PRMT8: variants seen among roughly 807,000 people sequenced by gnomAD.
The protein encoded by PRMT8 is protein arginine methyltransferase 8, also known as protein arginine N-methyltransferase 8.
In PRMT8, 7 loss-of-function variants were observed where a neutral mutation model predicts 47.1. The observed-to-expected ratio is 0.15, with a 90% CI of 0.08 to 0.28. PRMT8 has a LOEUF of 0.28. Ranked by LOEUF, PRMT8 falls within the 10% of genes least tolerant of loss-of-function variation. The pLI is 1.00. For missense variants in PRMT8, 237 were observed against 505.4 expected (o/e 0.47, Z 5.09); for synonymous variants, 188 against 186.5 (o/e 1.01, Z -0.07).
intron 1 of PRMT8, among the ~76,000 whole-genome samples, chr12:3,483,465 T>C (rs1328977248): frequency 6.6e-6 from 1 of 150,816 alleles, no homozygotes; most frequent in Non-Finnish European, 1.5e-5. Flanking sequence ...TTTTTTCCTG[T>C]GGAATAACTT....
At position 3,514,351 on chromosome 12, in the gene PRMT8, C is replaced by T. The variant is rs1281193975; in HGVS notation, c.75+22651C>T. ...GGGCTGGCACCAGGACCCTCTGGCT[C>T]ACCTTGTGGGGGATGCCAGCACCAG... On this transcript the variant is annotated intron_variant, in intron 1 of 9. Transcript: ENST00000382622. This position sits in a 1 kb window ranked among gnomAD's most constrained non-coding sequence, Gnocchi z 5.9. 1.3e-5 allele frequency among the ~76,000 whole-genome samples: 2 copies of T among 152,092 alleles called. No homozygotes were observed. The highest frequency in any genetic ancestry group is 2.9e-5 in the Non-Finnish European group (2 of 68,016).
chr12:3,579,942 T>G (rs1248928262), intron 7 of PRMT8, among the ~76,000 whole-genome samples: 1 of 152,066 alleles, frequency 6.6e-6, no homozygotes, highest in Non-Finnish European at 1.5e-5. Context: ...GAGCTGCTGT[T>G]TCTGCTGCAG....
intron 8 of PRMT8, among the ~76,000 whole-genome samples, chr12:3,584,139 C>T (rs1310553686): frequency 6.6e-6 from 1 of 152,236 alleles, no homozygotes; most frequent in African/African-American, 2.4e-5. Flanking sequence ...AAGGTGTCAG[C>T]AGGGTGGATT....
rs1474638014 is a variant in PRMT8, at chr12:3,404,304, C to A, written c.48+22862C>A. ...CTTCCTTCAATGTGCTGTTTTCATTCAACAAAATTTCCAAGATTTTACCCA... is the reference window on the plus strand; with the variant it reads ...CTTCCTTCAATGTGCTGTTTTCATTAAACAAAATTTCCAAGATTTTACCCA... On this transcript the variant is annotated intron_variant, in intron 1 of 9. Transcript: ENST00000452611. Among the ~76,000 whole-genome samples the A allele has an allele frequency of 2.0e-5, 3 of 152,054 alleles. No homozygotes were observed. In the East Asian group the frequency reaches 5.8e-4, roughly 29 times the overall value.
chr12:3,516,945 GC>G (rs1182322264), intron 1 of PRMT8, among the ~76,000 whole-genome samples: 1 of 152,126 alleles, frequency 6.6e-6, no homozygotes, highest in Non-Finnish European at 1.5e-5. Flanking sequence ...TACTTTAAGA[GC>G]CCCTGAGCTA....
At chr12:3,430,325 T>C (rs1864661491) in intron 1 of PRMT8, among the ~76,000 whole-genome samples, 1 of 152,182 alleles carries the variant, frequency 6.6e-6, no homozygotes, top group Admixed American at 6.5e-5. Context: ...CAGGGCACAG[T>C]GCTGGGCTAT....
At chr12:3,435,494 A>T (rs1001837014) in intron 1 of PRMT8, among the ~76,000 whole-genome samples, 2 of 150,424 alleles carry the variant, frequency 1.3e-5, no homozygotes, top group African/African-American at 4.9e-5. Flanking sequence ...AGAAATGACA[A>T]CGTCATGTTT....
chr12:3,490,225 G>C (rs1865365746), upstream of PRMT8, among the ~76,000 whole-genome samples: 1 of 152,100 alleles, frequency 6.6e-6, no homozygotes, highest in Non-Finnish European at 1.5e-5. Flanking sequence ...CTGTTTTAAG[G>C]AGTCAGCCTG....
intron 1 of PRMT8, among the ~76,000 whole-genome samples, chr12:3,403,752 C>T (rs1236751198): frequency 6.6e-6 from 1 of 151,406 alleles, no homozygotes; most frequent in African/African-American, 2.4e-5. Flanking sequence ...AGTGGCACGT[C>T]TGTAGTCCCA....
chr12:3,446,932 G>C (rs559698839), intron 1 of PRMT8, among the ~76,000 whole-genome samples: 1 of 152,302 alleles, frequency 6.6e-6, no homozygotes, highest in Admixed American at 6.5e-5. Context: ...CCTTTGCTGG[G>C]AAAAACAATT....
chr12:3,519,444 G>A (rs1434102295), intron 1 of PRMT8, among the ~76,000 whole-genome samples: 1 of 152,152 alleles, frequency 6.6e-6, no homozygotes, highest in African/African-American at 2.4e-5. Context: ...ATGCAGTGTG[G>A]CCACTGAGGC....
chr12:3,451,811 G>C (rs1864922059), intron 1 of PRMT8, among the ~76,000 whole-genome samples: 1 of 152,186 alleles, frequency 6.6e-6, no homozygotes, highest in Admixed American at 6.5e-5. Flanking sequence ...CTTAACTGGA[G>C]TGTCTTGACG....
chr12:3,473,427 T>TCTTCTTCAGC (rs1281326889), intron 1 of PRMT8, among the ~76,000 whole-genome samples: 13 of 152,280 alleles, frequency 8.5e-5, no homozygotes, highest in Non-Finnish European at 1.3e-4. Context: ...CTCTAGCTGG[T>TCTTCTTCAGC]CTTCTTCAGC....
intron 4 of PRMT8, among the ~76,000 whole-genome samples, chr12:3,563,482 A>G (rs956652251): frequency 2.6e-5 from 4 of 152,052 alleles, no homozygotes; most frequent in African/African-American, 9.7e-5. Flanking sequence ...GCTGCAGGAC[A>G]TAGTCCCAGT....
chr12:3,533,249 A>G (rs1866062101), intron 1 of PRMT8, among the ~76,000 whole-genome samples: 1 of 152,194 alleles, frequency 6.6e-6, no homozygotes, highest in African/African-American at 2.4e-5. Flanking sequence ...TGTGAAGGGC[A>G]TGAGGCAGAC....
chr12:3,556,020 G>T (rs915278400), intron 4 of PRMT8, among the ~76,000 whole-genome samples: 1 of 151,814 alleles, frequency 6.6e-6, no homozygotes, highest in Non-Finnish European at 1.5e-5. Flanking sequence ...GGGCAACTGG[G>T]TGGATGGTGG....
chr12:3,421,725 G>A (rs1439364815), intron 1 of PRMT8, among the ~76,000 whole-genome samples: 3 of 152,200 alleles, frequency 2.0e-5, no homozygotes, highest in Non-Finnish European at 4.4e-5. Flanking sequence ...GCACTTTGAT[G>A]ACACCACATT....
At chr12:3,488,158 A>G (rs1865339782), upstream of PRMT8, among the ~76,000 whole-genome samples, 1 of 152,192 alleles carries the variant, frequency 6.6e-6, no homozygotes, top group South Asian at 2.1e-4. Context: ...ATCTACCTCA[A>G]AAAGCTGTTG....
rs76502762 is a variant in PRMT8, at chr12:3,566,941, A to G, written c.482-1765A>G. Among the ~76,000 whole-genome samples, 2,147 of 152,346 alleles carry G rather than the reference A, an allele frequency of 0.014. 49 individuals carry two copies. The highest frequency in any genetic ancestry group is 0.049 in the African/African-American group (2,020 of 41,580). Reference sequence around the variant, plus strand: ...GTGGTATCTAAACTAGCTTGCTCAGATCTTTACAGCAACAAATACAAAAAG... The same window carrying G: ...GTGGTATCTAAACTAGCTTGCTCAGGTCTTTACAGCAACAAATACAAAAAG... On this transcript the variant is annotated intron_variant, in intron 4 of 9. Transcript: ENST00000382622. This position sits in a 1 kb window ranked among gnomAD's most constrained non-coding sequence, Gnocchi z 4.7.
Sources: gnomAD v4.1 joint callset for allele counts (sites outside exome capture counted in the v4.1 genomes callset) on GRCh38, gnomAD v4.1.1 for gene constraint, Gnocchi (gnomAD v3.1) non-coding constraint, MANE v1.5 for transcripts, NCBI Gene and HGNC (gene_info 2026-07-23, HGNC 2026-07-21) for gene names.